CEP85L: variants seen among roughly 807,000 people sequenced by gnomAD.
CEP85L encodes centrosomal protein of 85 kDa-like.
A neutral mutation model predicts 100.3 loss-of-function variants in CEP85L; 60 were observed. The ratio of observed to expected loss-of-function variants is 0.60; its 90% CI spans 0.49 to 0.74. The LOEUF (loss-of-function observed/expected upper bound fraction) is 0.74. Among genes scored for constraint, CEP85L ranks in the 30% least tolerant of loss-of-function variants. The pLI is 0.00. For missense variants in CEP85L, 973 were observed against 936.2 expected (o/e 1.04, Z -0.51); for synonymous variants, 319 against 322.7 (o/e 0.99, Z 0.12).
intron 2 of CEP85L, among the ~76,000 whole-genome samples, chr6:118,575,066 G>C (rs571746335): frequency 6.6e-6 from 1 of 152,166 alleles, no homozygotes; most frequent in South Asian, 2.1e-4. Flanking sequence ...CAAGAAACTC[G>C]AGTTGAGCCG....
rs146063859 is a variant in CEP85L at position 118,489,612 on chromosome 6, C to A, written c.1437+2074G>T. On this transcript the variant is annotated intron_variant, in intron 6 of 12. Transcript: ENST00000368491. ...TCAAAACCATCTCGTGCCTGTTAGG[C>A]TGGCCATCTTTTTTCTTGAAAAAAG... is the stretch of plus-strand genomic sequence containing the variant. 9.1e-3 allele frequency among the ~76,000 whole-genome samples: 1,386 copies of A among 152,174 alleles called. 18 individuals carry two copies. The highest frequency in any genetic ancestry group is 0.017 in the Non-Finnish European group (1,155 of 68,010).
chr6:118,687,311 C>G (rs981060777), intron 1 of CEP85L, among the ~76,000 whole-genome samples: 14 of 152,124 alleles, frequency 9.2e-5, no homozygotes, highest in African/African-American at 3.4e-4. Flanking sequence ...CTGCAACCTC[C>G]GCCTCCCAGG....
chr6:118,521,764 GC>G (rs1158695662), intron 4 of CEP85L, among the ~76,000 whole-genome samples: 1 of 151,986 alleles, frequency 6.6e-6, no homozygotes, highest in Non-Finnish European at 1.5e-5. Flanking sequence ...AAGCCATCCT[GC>G]CGTGGCCCAT....
At chr6:118,502,267 G>A in intron 5 of CEP85L, 1 of 560,046 alleles carries the variant, frequency 1.8e-6, no homozygotes, top group South Asian at 2.0e-5. Flanking sequence ...TATCAGCAAG[G>A]ATAATTCAGA....
At chr6:118,520,525 T>G (rs957937868) in intron 4 of CEP85L, among the ~76,000 whole-genome samples, 1 of 152,226 alleles carries the variant, frequency 6.6e-6, no homozygotes, top group African/African-American at 2.4e-5. Flanking sequence ...ATCTCAACCT[T>G]TATCATTTCT....
chr6:118,549,020 C>T (rs1432602011), intron 3 of CEP85L, among the ~76,000 whole-genome samples: 1 of 151,862 alleles, frequency 6.6e-6, no homozygotes, highest in Admixed American at 6.6e-5. Flanking sequence ...AAATTCCATG[C>T]TATTAATAAA....
rs140468730 is a variant in CEP85L, at chr6:118,693,096, T to C, written c.-28+16940A>G. On this transcript the variant is annotated intron_variant, in intron 1 of 13. Transcript: ENST00000368488. Reference sequence around the variant, plus strand: ...CCAACTTGTTGAAAAGCAGCTGAAATTACTGCATTCAGTTTATAAACAATA... The same window carrying C: ...CCAACTTGTTGAAAAGCAGCTGAAACTACTGCATTCAGTTTATAAACAATA... Among the ~76,000 whole-genome samples the C allele has an allele frequency of 2.0e-3, 307 of 152,304 alleles. 1 individual carries two copies. The highest frequency in any genetic ancestry group is 7.1e-3 in the African/African-American group (296 of 41,560).
rs188510080 is a variant in CEP85L at position 118,674,438 on chromosome 6, T to C, written c.-27-21630A>G. On this transcript the variant is annotated intron_variant, in intron 1 of 13. Coordinates refer to the CEP85L transcript ENST00000368488. ...ACTTGGGAGGCTGAAGCAGGAGAAT[T>C]GCTTGAACCCAGGAGGTGGACATTG... is the stretch of plus-strand genomic sequence containing the variant. Among the ~76,000 whole-genome samples the C allele has an allele frequency of 5.0e-3, 758 of 151,682 alleles. 1 individual carries two copies. Among genetic ancestry groups the C allele is most frequent in the Middle Eastern group, 0.014 (4 of 294 alleles).
chr6:118,643,319 T>G (rs1436648811), intron 1 of CEP85L, among the ~76,000 whole-genome samples: 2 of 152,210 alleles, frequency 1.3e-5, no homozygotes, highest in Non-Finnish European at 2.9e-5. Flanking sequence ...CAAGGCCATA[T>G]ATATGTAATT....
intron 3 of CEP85L, among the ~76,000 whole-genome samples, chr6:118,553,304 A>C (rs964166575): frequency 6.6e-6 from 1 of 151,922 alleles, no homozygotes; most frequent in African/African-American, 2.4e-5. Context: ...CATAAATTAT[A>C]ATGTAGTAAA....
intron 2 of CEP85L, among the ~76,000 whole-genome samples, chr6:118,622,664 T>C (rs1773528765): frequency 1.3e-5 from 2 of 152,218 alleles, no homozygotes; most frequent in South Asian, 4.1e-4. Flanking sequence ...GCTTATCTAG[T>C]TCTACATGCC....
rs1202506394 is a variant in CEP85L at position 118,600,301 on chromosome 6, GTGTGTGTGTGTGTGTGT to G, written c.232+32135_232+32151del. ...TGCCTGTCCCTGAGCCTTCCTGGGG[GTGTGTGTGTGTGTGTGT>G]GTGTGTGTGTGTGTGTGTGTGTGTG... On this transcript the variant is annotated intron_variant, in intron 2 of 12. Coordinates refer to ENST00000368491, the MANE Select transcript of CEP85L (RefSeq NM_001042475.3). Among the ~76,000 whole-genome samples, 10 of 30,420 alleles carry G rather than the reference GTGTGTGTGTGTGTGTGT, an allele frequency of 3.3e-4. 2 individuals carry two copies. Among genetic ancestry groups the G allele is most frequent in the South Asian group, 3.0e-3 (2 of 668 alleles). The allele number at this position is 30,420 out of a possible 152,430, so 20.0% of individuals were successfully genotyped here. A position where few individuals can be genotyped will look rare whatever the true frequency, so the allele number is the denominator to read the frequency against.
intron 2 of CEP85L, among the ~76,000 whole-genome samples, chr6:118,618,984 A>G (rs1417996215): frequency 6.6e-6 from 1 of 152,174 alleles, no homozygotes; most frequent in African/African-American, 2.4e-5. Flanking sequence ...TGCACGGCAG[A>G]GGGCAAGGAT....
At chr6:118,486,112 T>C (rs571986219) in intron 6 of CEP85L, among the ~76,000 whole-genome samples, 1 of 152,354 alleles carries the variant, frequency 6.6e-6, no homozygotes, top group East Asian at 1.9e-4. Flanking sequence ...CACATGTTGA[T>C]CATACATATT....
In CEP85L at chr6:118,479,941, T is replaced by C. The variant is rs752807738; in HGVS notation, c.1864-20A>G. On this transcript the variant is annotated intron_variant, in intron 9 of 12. Coordinates refer to ENST00000368491, the MANE Select transcript of CEP85L (RefSeq NM_001042475.3). ...TATTATCTAAAACAAAATAAATACATCTGATTCAAATAATTTTTACATCGC... is the reference window on the plus strand; with the variant it reads ...TATTATCTAAAACAAAATAAATACACCTGATTCAAATAATTTTTACATCGC... 1.3e-5 allele frequency: 17 copies of C among 1,267,030 alleles called. No individual in the cohort carries two copies. The highest frequency in any genetic ancestry group is 1.9e-5 in the Non-Finnish European group (17 of 898,862). 78.5% of individuals were successfully genotyped at this position (1,267,030 alleles called of 1,614,324 possible).
At chr6:118,677,516 C>CTCTG (rs909101944) in intron 1 of CEP85L, among the ~76,000 whole-genome samples, 2 of 152,150 alleles carry the variant, frequency 1.3e-5, no homozygotes, top group African/African-American at 4.8e-5. Context: ...TATTTAACTA[C>CTCTG]TACAGATTCT....
intron 5 of CEP85L, among the ~76,000 whole-genome samples, chr6:118,499,355 C>G (rs1775125329): frequency 6.6e-6 from 1 of 152,134 alleles, no homozygotes; most frequent in African/African-American, 2.4e-5. Flanking sequence ...TTGACAAAAT[C>G]TAACACCCAT....
At chr6:118,623,168 G>A (rs542432523) in intron 2 of CEP85L, among the ~76,000 whole-genome samples, 28 of 152,282 alleles carry the variant, frequency 1.8e-4, no homozygotes, top group African/African-American at 5.8e-4. Flanking sequence ...CAAACTATGC[G>A]GCAGGTAGTC....
At chr6:118,630,218 T>C (rs1352611541) in intron 2 of CEP85L, among the ~76,000 whole-genome samples, 1 of 152,214 alleles carries the variant, frequency 6.6e-6, no homozygotes, top group African/African-American at 2.4e-5. Context: ...ATATTCATGG[T>C]TCCTTCTGTA....
Sources: gnomAD v4.1 joint callset for allele counts (sites outside exome capture counted in the v4.1 genomes callset) on GRCh38, gnomAD v4.1.1 for gene constraint, MANE v1.5 for transcripts, NCBI Gene and HGNC (gene_info 2026-07-23, HGNC 2026-07-21) for gene names.